GNPTG: variants seen among roughly 807,000 people sequenced by gnomAD.
The protein encoded by GNPTG is N-acetylglucosamine-1-phosphotransferase subunit gamma.
A neutral mutation model predicts 43.8 loss-of-function variants in GNPTG; 46 were observed. The observed-to-expected ratio is 1.05, with a 90% confidence interval of 0.83 to 1.34. The LOEUF is 1.34. Ranked by LOEUF, GNPTG falls within the 40% of genes most tolerant of loss-of-function variation. The pLI, the probability that GNPTG is intolerant of heterozygous loss-of-function variation, is 0.00. For synonymous variants in GNPTG, 250 were observed against 172.8 expected (o/e 1.45, Z -3.50); for missense variants, 549 against 411.3 (o/e 1.33, Z -2.90).
At chr16:1,361,718 G>A (rs2034883367) in intron 3 of GNPTG, 25 bp from the exon 4 acceptor site, 4 of 1,613,694 alleles carry the variant, frequency 2.5e-6, no homozygotes, top group Non-Finnish European at 3.4e-6. Flanking sequence ...TTGGACCCTG[G>A]GGATCAGTGT....
In GNPTG at chr16:1,361,808, G is replaced by T; in HGVS notation, c.233+11G>T. On this transcript the variant is annotated intron_variant, in intron 4 of 10. Coordinates refer to ENST00000204679, the MANE Select transcript of GNPTG (RefSeq NM_032520.5). ...CCTGGTGGAGTCCACGTGAGTGCAGGGTGGGTGCGAGGGTGGGCTGGGGCG... is the reference window on the plus strand; with the variant it reads ...CCTGGTGGAGTCCACGTGAGTGCAGTGTGGGTGCGAGGGTGGGCTGGGGCG... 6.2e-7 allele frequency: 1 copy of T among 1,614,090 alleles called. No homozygotes were observed. The highest frequency in any genetic ancestry group is 8.5e-7 in the Non-Finnish European group (1 of 1,180,010).
At chr16:1,352,066 C>T (rs1020962323) in intron 1 of GNPTG, 36 bp from the exon 2 acceptor site, 47 of 1,540,540 alleles carry the variant, frequency 3.1e-5, no homozygotes, top group Non-Finnish European at 3.9e-5. Context: ...GCGCTCTGCA[C>T]CCCGGCCTCC....
intron 3 of GNPTG, among the ~76,000 whole-genome samples, chr16:1,354,978 G>C (rs1002035478): frequency 6.6e-6 from 1 of 151,422 alleles, no homozygotes; most frequent in Admixed American, 6.6e-5. Flanking sequence ...TCTGTGGGGT[G>C]GGGCCTGGAT....
chr16:1,361,840 G>A (rs772275436), intron 4 of GNPTG, 32 bp from the exon 5 acceptor site: 1 of 1,613,764 alleles, frequency 6.2e-7, no homozygotes, highest in African/African-American at 1.3e-5. Flanking sequence ...GGCGCAGCCT[G>A]CGGACCCCCC....
intron 3 of GNPTG, 195 bp downstream of exon 3, chr16:1,352,501 T>TC: frequency 1.5e-6 from 1 of 647,040 alleles, no homozygotes. Flanking sequence ...CCAGACTTAG[T>TC]CCTTCCTTTC....
In GNPTG at chr16:1,360,062, C is replaced by T. The variant is rs183526159; in HGVS notation, c.179-1681C>T. On this transcript the variant is annotated intron_variant, in intron 3 of 10. Transcript: ENST00000204679. ...GGTGGAGATTGTAGTGAGCCAAGAT[C>T]GTGCCACTGCAATCCAGCCTGGCGA... Among the ~76,000 whole-genome samples the T allele has an allele frequency of 1.8e-4, 28 of 151,972 alleles. No homozygotes were observed. The East Asian group carries it at 5.2e-3, about 28-fold the overall frequency.
In GNPTG at chr16:1,360,014, C is replaced by T. The variant is rs977357351; in HGVS notation, c.179-1729C>T. Among the ~76,000 whole-genome samples, 6 of 151,822 alleles carry T rather than the reference C, an allele frequency of 4.0e-5. No individual in the cohort carries two copies. The South Asian group carries it at 6.2e-4, about 16-fold the overall frequency. On this transcript the variant is annotated intron_variant, in intron 3 of 10. Coordinates refer to ENST00000204679, the MANE Select transcript of GNPTG (RefSeq NM_032520.5). ...ATCCTAGCTACTGGGGAGACTGAGG[C>T]GGGAAAATCGGTTGAACCCAGTGGT...
Position 1,363,174 on chromosome 16 carries a change from C to G in GNPTG, c.*83C>G, listed in dbSNP as rs2034971326. 1.7e-6 allele frequency: 2 copies of G among 1,191,700 alleles called. No homozygotes were observed. Among genetic ancestry groups the G allele is most frequent in the Non-Finnish European group, 2.4e-6 (2 of 816,920 alleles). The allele number at this position is 1,191,700 out of a possible 1,614,324, so 73.8% of individuals were successfully genotyped here. The stretch of plus-strand genomic sequence containing the variant: ...GGTAGGACCCGCAGGGACCAGCTGA[C>G]CAGGCTTGTGCTCAGAGAAGCAGAC... On this transcript the variant is annotated 3_prime_UTR_variant, in exon 11 of 11. Coordinates refer to ENST00000204679, the MANE Select transcript of GNPTG (RefSeq NM_032520.5).
At position 1,352,967 on chromosome 16, in the gene GNPTG, A is replaced by ATTT. The variant is rs3078768; in HGVS notation, c.178+678_178+680dup. ...AAATATAATAGACAAAAATCCAAGA[A>ATTT]TTTTTTTTTTTTTTTTTTTGAGACA... On this transcript the variant is annotated intron_variant, in intron 3 of 10. Coordinates refer to ENST00000204679, the MANE Select transcript of GNPTG (RefSeq NM_032520.5). 1.2e-3 allele frequency among the ~76,000 whole-genome samples: 159 copies of ATTT among 132,654 alleles called. 1 individual carries two copies. Among genetic ancestry groups the ATTT allele is most frequent in the African/African-American group, 2.1e-3 (74 of 35,156 alleles). 87.0% of individuals were successfully genotyped at this position (132,654 alleles called of 152,430 possible). A position where few individuals can be genotyped will look rare whatever the true frequency, so the allele number is the denominator to read the frequency against.
At chr16:1,362,347 C>T in intron 7 of GNPTG, 27 bp downstream of exon 7, 1 of 1,610,748 alleles carries the variant, frequency 6.2e-7, no homozygotes, top group Non-Finnish European at 8.5e-7. Flanking sequence ...CAGTTGAGCC[C>T]AGTGGGGTCA....
At position 1,362,438 on chromosome 16, in the gene GNPTG, T is replaced by A; in HGVS notation, c.527-14T>A. Reference sequence around the variant, plus strand: ...ATGGGGTGCAGCTGAGCCTGGCTTCTCTTGGGTCCTCAGTGTACCCAACCC... The same window carrying A: ...ATGGGGTGCAGCTGAGCCTGGCTTCACTTGGGTCCTCAGTGTACCCAACCC... On this transcript the variant is annotated splice_polypyrimidine_tract_variant and intron_variant, in intron 7 of 10. Transcript: ENST00000204679. 5.6e-6 allele frequency: 9 copies of A among 1,613,560 alleles called. No individual in the cohort carries two copies. The highest frequency in any genetic ancestry group is 7.6e-6 in the Non-Finnish European group (9 of 1,179,772).
intron 3 of GNPTG, among the ~76,000 whole-genome samples, chr16:1,353,609 G>C (rs1336366720): frequency 1.3e-5 from 2 of 152,116 alleles, no homozygotes; most frequent in African/African-American, 4.8e-5. Flanking sequence ...CTGCATCCTT[G>C]AACTCCTGGG....
rs750563207 is a variant in GNPTG, at chr16:1,363,048, C to A, written c.875C>A (p.Pro292Gln). 6.2e-7 allele frequency: 1 copy of A among 1,613,892 alleles called. No homozygotes were observed. Among genetic ancestry groups the A allele is most frequent in the Non-Finnish European group, 8.5e-7 (1 of 1,180,038 alleles). ...CACGAGACGCCCAGAGCCAAGTCTC[C>A]AGAGCAGCTGCGGGGTGACCCAGGA... Reference protein sequence around the residue: ...LGHETPRAKSPEQLRGDPGLR... With the variant: ...LGHETPRAKSQEQLRGDPGLR... Residue 292 changes from proline (P) to glutamine (Q), a missense_variant, in exon 11 of 11, where the codon CCA (proline) becomes CAA (glutamine). Transcript: ENST00000204679.
At chr16:1,353,974 G>A (rs1357023331) in intron 3 of GNPTG, among the ~76,000 whole-genome samples, 5 of 152,184 alleles carry the variant, frequency 3.3e-5, no homozygotes, top group Non-Finnish European at 4.4e-5. Context: ...AGAGATAAAG[G>A]GGATCAGATG....
Position 1,351,973 on chromosome 16 carries a change from C to T in GNPTG, c.8C>T (p.Ala3Val), listed in dbSNP as rs867217705. The change falls in exon 1 of 11, where the codon GCG becomes GTG. Residue 3 changes from alanine to valine, a missense_variant. Coordinates refer to ENST00000204679, the MANE Select transcript of GNPTG (RefSeq NM_032520.5). ...GGCGGCCGCTGCGGCGCGATGGCGG[C>T]GGGGCTGGCGCGGCTCCTGTTGCTC... MA[A>V]GLARLLLLLG... 8.7e-5 allele frequency: 114 copies of T among 1,317,908 alleles called. 1 individual carries two copies. The Middle Eastern group carries it at 1.1e-3, about 13-fold the overall frequency. 81.6% of individuals were successfully genotyped at this position (1,317,908 alleles called of 1,614,324 possible).
chr16:1,361,247 C>T (rs1295083889), intron 3 of GNPTG: 1 of 185,866 alleles, frequency 5.4e-6, no homozygotes, highest in Non-Finnish European at 1.1e-5. Flanking sequence ...AGCCTTAACT[C>T]TAATTTTTGA....
At chr16:1,360,513 A>G (rs2034850807) in intron 3 of GNPTG, 1 of 152,028 alleles carries the variant, frequency 6.6e-6, no homozygotes, top group Non-Finnish European at 1.5e-5. Flanking sequence ...GATCCCAGCT[A>G]CTCGGGAGGC....
At position 1,362,849 on chromosome 16, in the gene GNPTG, A is replaced by ATCAAAAGGCTGAAAGGTTTGCTCACCC; in HGVS notation, c.767_793dup (p.Thr264_Gln265insLeuLysArgLeuLysGlyLeuLeuThr). The ATCAAAAGGCTGAAAGGTTTGCTCACCC allele has an allele frequency of 6.2e-7, 1 of 1,613,662 alleles. No homozygotes were observed. The highest frequency in any genetic ancestry group is 8.5e-7 in the Non-Finnish European group (1 of 1,179,940). On this transcript the variant is annotated inframe_insertion, in exon 10 of 11. Transcript: ENST00000204679. ...GGCTCATAAAGAACTCTCAAAGGAG[A>ATCAAAAGGCTGAAAGGTTTGCTCACCC]TCAAAAGGCTGAAAGGTTTGCTCAC... is the stretch of plus-strand genomic sequence containing the variant.
Position 1,362,526 on chromosome 16 carries a change from A to AC in GNPTG, c.607dup (p.Gln203ProfsTer4), listed in dbSNP as rs756225251. 6.2e-6 allele frequency: 10 copies of AC among 1,613,860 alleles called. No homozygotes were observed. Among genetic ancestry groups the AC allele is most frequent in the South Asian group, 1.1e-5 (1 of 91,068 alleles). The stretch of plus-strand genomic sequence containing the variant: ...GCAGGACCTGGCCGATGAGCTGATC[A>AC]CCCCCCAGGTAAGCGTGCGCTCGGG... On this transcript the variant is annotated frameshift_variant, in exon 8 of 11. Transcript: ENST00000204679. LOFTEE classifies it high-confidence loss of function.
Sources: allele counts gnomAD v4.1 joint callset (sites outside exome capture counted in the v4.1 genomes callset), GRCh38; gene constraint gnomAD v4.1.1; transcripts MANE v1.5; gene names NCBI Gene and HGNC (gene_info 2026-07-23, HGNC 2026-07-21).